Variants in VWCE observed in about 807,000 individuals in gnomAD.
The protein encoded by VWCE is von Willebrand factor C and EGF domain-containing protein.
VWCE carries 68 observed loss-of-function variants against 102.9 expected under a neutral mutation model. That is an observed-to-expected ratio of 0.66 (90% CI 0.54 to 0.81). VWCE has a LOEUF of 0.81. Ranked by LOEUF, VWCE falls within the 30% of genes least tolerant of loss-of-function variation. The pLI is 0.00. For missense variants in VWCE, 1,137 were observed against 1,263.6 expected, an observed-to-expected ratio of 0.90 and a Z score of 1.52; for synonymous variants, 497 against 515.4, an observed-to-expected ratio of 0.96 and a Z score of 0.48.
chr11:61,284,875 G>A (rs533894608), intron 5 of VWCE, among the ~76,000 whole-genome samples: 7 of 152,094 alleles, frequency 4.6e-5, no homozygotes, highest in East Asian at 3.9e-4. Context: ...CCCAGGAGGC[G>A]GAGGTTGCAG....
chr11:61,288,028 C>A (rs538391225), intron 4 of VWCE, among the ~76,000 whole-genome samples: 1 of 151,800 alleles, frequency 6.6e-6, no homozygotes, highest in South Asian at 2.1e-4. Context: ...CATGCTGGCA[C>A]GTGCCTGTAA....
At chr11:61,275,843 C>A (rs1278086535) in intron 11 of VWCE, among the ~76,000 whole-genome samples, 1 of 152,066 alleles carries the variant, frequency 6.6e-6, no homozygotes, top group East Asian at 1.9e-4. Context: ...AGGAGAGACC[C>A]TTCCCTGCCC....
rs746704840 is a variant in VWCE at position 61,267,579 on chromosome 11, G to T, written c.1883-35C>A. 5.4e-5 allele frequency: 87 copies of T among 1,607,316 alleles called. No individual in the cohort carries two copies. The Admixed American group carries it at 1.4e-3, about 26-fold the overall frequency. On this transcript the variant is annotated intron_variant, in intron 15 of 19. Coordinates refer to ENST00000335613, the MANE Select transcript of VWCE (RefSeq NM_152718.2). Reference sequence around the variant, plus strand: ...AGAGCATGCGCTGAGCACCAGCTGGGAGTGGCCAGGCACCAGGCTTCCCGC... The same window carrying T: ...AGAGCATGCGCTGAGCACCAGCTGGTAGTGGCCAGGCACCAGGCTTCCCGC...
At chr11:61,292,820 G>C (rs1385792741) in intron 1 of VWCE, among the ~76,000 whole-genome samples, 1 of 152,134 alleles carries the variant, frequency 6.6e-6, no homozygotes, top group Non-Finnish European at 1.5e-5. Flanking sequence ...GTCAGGGGGG[G>C]TTCCTGGAAG....
At chr11:61,279,256 G>A (rs914197077) in intron 9 of VWCE, among the ~76,000 whole-genome samples, 3 of 151,992 alleles carry the variant, frequency 2.0e-5, no homozygotes, top group African/African-American at 7.2e-5. Context: ...GTGTTGCGGG[G>A]ACATAGCCCA....
chr11:61,286,329 G>A lies in VWCE; in HGVS notation c.526C>T (p.Arg176Cys), dbSNP rs926949322. ...CGPGMQLSAD[R>C]HSCQDTDECL... ...TGCAGCTCACCTTGGCAGCTGTGGC[G>A]GTCGGCAGACAGCTGCATGCCCGGC... Residue 176 changes from arginine to cysteine, a missense_variant, in exon 5 of 20, where the codon CGC becomes TGC. Transcript: ENST00000335613. 1.1e-5 allele frequency: 17 copies of A among 1,608,968 alleles called. No homozygotes were observed. The highest frequency in any genetic ancestry group is 3.3e-5 in the South Asian group (3 of 91,094).
Position 61,265,054 on chromosome 11 carries a change from A to G in VWCE, c.2057-16T>C. On this transcript the variant is annotated splice_polypyrimidine_tract_variant and intron_variant, in intron 17 of 19. Transcript: ENST00000335613. ...TAGTTGCAGTCTGTGGAGGAAGGGG[A>G]GACAGGAGCCCATGAGAGCCGAGGC... is the stretch of plus-strand genomic sequence containing the variant. 1 of 1,613,956 alleles carries G rather than the reference A, an allele frequency of 6.2e-7. No homozygotes were observed. Among genetic ancestry groups the G allele is most frequent in the Middle Eastern group, 1.6e-4 (1 of 6,062 alleles).
chr11:61,259,269 G>A lies in VWCE; in HGVS notation c.2274C>T (p.His758=), dbSNP rs770129790. The change falls in exon 20 of 20, where the codon CAC becomes CAT. Residue 758 remains histidine (H), a synonymous_variant. Coordinates refer to ENST00000335613, the MANE Select transcript of VWCE (RefSeq NM_152718.2). ...CAGCTTTGCTGAATGCCACATTTCCGTGAGGGGAGAGCCCCTGCTTTTCTT... is the reference window on the plus strand; with the variant it reads ...CAGCTTTGCTGAATGCCACATTTCCATGAGGGGAGAGCCCCTGCTTTTCTT... ...PLEEKQGLSP[H]GNVAFSKAGR... 17 of 1,605,362 alleles carry A rather than the reference G, an allele frequency of 1.1e-5. No individual in the cohort carries two copies. In the African/African-American group the frequency reaches 1.2e-4, roughly 11 times the overall value.
chr11:61,273,390 G>C lies in VWCE; in HGVS notation c.1582-74C>G, dbSNP rs562119263. 5.7e-6 allele frequency: 8 copies of C among 1,391,608 alleles called. No homozygotes were observed. The East Asian group carries it at 1.7e-4, about 30-fold the overall frequency. The allele number at this position is 1,391,608 out of a possible 1,614,324, so 86.2% of individuals were successfully genotyped here. A position where few individuals can be genotyped will look rare whatever the true frequency, so the allele number is the denominator to read the frequency against. ...GGACCATGGAGAGCTAGAGGAGGCC[G>C]CAGGCTGCCTGCCATCACCCTCCCG... On this transcript the variant is annotated intron_variant, in intron 12 of 19. Transcript: ENST00000335613.
intron 13 of VWCE, among the ~76,000 whole-genome samples, chr11:61,272,987 C>T (rs1854773348): frequency 6.6e-6 from 1 of 151,936 alleles, no homozygotes; most frequent in Non-Finnish European, 1.5e-5. Flanking sequence ...ACACAGATAA[C>T]CACTCACAAA....
rs531509005 is a variant in VWCE, at chr11:61,276,627, G to C, written c.1461C>G (p.Thr487=). ...AAGTACAGCAATCCGTCTGTGGGGG[G>C]GTCTGACAGGGGCCAGAAGGACACT... is the stretch of plus-strand genomic sequence containing the variant. ...SPECPSGPCQ[T]PPQTDCCTCV... is the part of the protein sequence containing the mutation. The change falls in exon 11 of 20, where the codon ACC becomes ACG. Residue 487 remains threonine, a synonymous_variant. Transcript: ENST00000335613. 1.2e-6 allele frequency: 2 copies of C among 1,606,662 alleles called. No homozygotes were observed. Among genetic ancestry groups the C allele is most frequent in the Non-Finnish European group, 8.5e-7 (1 of 1,176,416 alleles).
intron 10 of VWCE, 85 bp downstream of exon 10, chr11:61,278,309 T>C: frequency 1.4e-6 from 2 of 1,452,332 alleles, no homozygotes; most frequent in Non-Finnish European, 1.9e-6. Context: ...AGCTCACCTT[T>C]AACATCCGGT....
Position 61,282,816 on chromosome 11 carries a change from G to T in VWCE, c.631C>A (p.Leu211Ile). ...ACACAGGAGTGCCGGTTGCCATGAAGGTGGAAGCCAGTTCGACAGGAACAC... is the reference window on the plus strand; with the variant it reads ...ACACAGGAGTGCCGGTTGCCATGAATGTGGAAGCCAGTTCGACAGGAACAC... ...YKCSCRTGFH[L>I]HGNRHSCVDV... The change falls in exon 6 of 20, where the codon CTT becomes ATT. Residue 211 changes from leucine to isoleucine, a missense_variant. Transcript: ENST00000335613. The T allele has an allele frequency of 1.2e-6, 2 of 1,614,202 alleles. No individual in the cohort carries two copies. The highest frequency in any genetic ancestry group is 1.7e-6 in the Non-Finnish European group (2 of 1,180,024).
At position 61,286,314 on chromosome 11, in the gene VWCE, CT is replaced by C; in HGVS notation, c.540del (p.Asp181ThrfsTer6). 1 of 1,607,006 alleles carries C rather than the reference CT, an allele frequency of 6.2e-7. No homozygotes were observed. On this transcript the variant is annotated frameshift_variant and splice_region_variant, in exon 5 of 20. Coordinates refer to ENST00000335613, the MANE Select transcript of VWCE (RefSeq NM_152718.2). LOFTEE classifies it high-confidence loss of function. ...MQLSADRHSCQDTDECLGTPC... is the reference protein window; with the variant it reads ...MQLSADRHSCXDTDECLGTPC... Reference sequence around the variant, plus strand: ...CAGCCATTCCTTCTCTGCAGCTCACCTTGGCAGCTGTGGCGGTCGGCAGACA... The same window carrying C: ...CAGCCATTCCTTCTCTGCAGCTCACCTGGCAGCTGTGGCGGTCGGCAGACA...
intron 4 of VWCE, among the ~76,000 whole-genome samples, chr11:61,288,493 C>T (rs760950902): frequency 1.3e-5 from 2 of 152,122 alleles, no homozygotes; most frequent in Non-Finnish European, 2.9e-5. Flanking sequence ...ACAGCTGGAC[C>T]GTCAAGACCA....
chr11:61,275,358 A>T (rs1854871618), intron 11 of VWCE, among the ~76,000 whole-genome samples: 1 of 151,820 alleles, frequency 6.6e-6, no homozygotes, highest in Non-Finnish European at 1.5e-5. Context: ...GAGCTATACA[A>T]CTCACCAGGG....
chr11:61,294,036 G>C lies in VWCE; in HGVS notation c.110+892C>G, dbSNP rs537166270. Among the ~76,000 whole-genome samples, 5 of 152,318 alleles carry C rather than the reference G, an allele frequency of 3.3e-5. No individual in the cohort carries two copies. The highest frequency in any genetic ancestry group is 1.2e-4 in the African/African-American group (5 of 41,578). The stretch of plus-strand genomic sequence containing the variant: ...GAAACGGACAGGCAGTGCCACCAAG[G>C]CGGCAGATAAAAGGGTGCCCAGGGA... On this transcript the variant is annotated intron_variant, in intron 1 of 19. Coordinates refer to ENST00000335613, the MANE Select transcript of VWCE (RefSeq NM_152718.2). The surrounding 1 kb of genome is among the most constrained non-coding windows in gnomAD (Gnocchi z 6.3).
chr11:61,274,417 G>A, intron 12 of VWCE, 82 bp downstream of exon 12: 1 of 1,342,908 alleles, frequency 7.4e-7, no homozygotes, highest in Admixed American at 1.8e-5. Flanking sequence ...TGTTCTCCTA[G>A]TCATGTCAAC....
chr11:61,264,895 G>T (rs1854464604), intron 18 of VWCE, 61 bp downstream of exon 18: 1 of 1,577,976 alleles, frequency 6.3e-7, no homozygotes, highest in Non-Finnish European at 8.7e-7. Flanking sequence ...TTTGCAAAGG[G>T]ACAAAAGGCA....
Sources: gnomAD v4.1 joint callset for allele counts (sites outside exome capture counted in the v4.1 genomes callset) on GRCh38, gnomAD v4.1.1 for gene constraint, Gnocchi (gnomAD v3.1) non-coding constraint, MANE v1.5 for transcripts, NCBI Gene and HGNC (gene_info 2026-07-23, HGNC 2026-07-21) for gene names.